The following API5 variants were observed in gnomAD, a reference collection of about 807,000 sequenced individuals.
The protein encoded by API5 is apoptosis inhibitor 5.
A neutral mutation model predicts 71.9 loss-of-function variants in API5; 6 were observed. That is an observed-to-expected ratio of 0.08 (90% CI 0.05 to 0.16). The LOEUF (loss-of-function observed/expected upper bound fraction) is 0.16, where lower values mean the gene tolerates loss of function less well. Among genes scored for constraint, API5 ranks in the 10% least tolerant of loss-of-function variants. The pLI, the probability that API5 is intolerant of heterozygous loss-of-function variation, is 1.00. For synonymous variants in API5, 189 were observed against 221.3 expected (o/e 0.85, Z 1.30); for missense variants, 332 against 612.8 (o/e 0.54, Z 4.84).
chr11:43,323,704 A>G, intron 6 of API5, 68 bp downstream of exon 6: 3 of 1,456,590 alleles, frequency 2.1e-6, no homozygotes, highest in Non-Finnish European at 2.9e-6. Context: ...TCACTTTAAC[A>G]TTCCCCTTAA....
intron 13 of API5, among the ~76,000 whole-genome samples, chr11:43,337,286 G>A (rs541580557): frequency 1.5e-4 from 23 of 152,100 alleles, no homozygotes; most frequent in African/African-American, 4.8e-4. Flanking sequence ...ATGATGGTGC[G>A]ACTGCACTCC....
chr11:43,319,049 A>G, intron 2 of API5: 2 of 409,268 alleles, frequency 4.9e-6, no homozygotes, highest in Non-Finnish European at 8.6e-6. Flanking sequence ...TCCACTGTTA[A>G]AAATGGGTTG....
At chr11:43,316,112 C>A (rs1854660210) in intron 1 of API5, among the ~76,000 whole-genome samples, 1 of 150,464 alleles carries the variant, frequency 6.6e-6, no homozygotes, top group Non-Finnish European at 1.5e-5. Flanking sequence ...ATGAAATAAC[C>A]ACTCTTGTAG....
At chr11:43,339,909 GA>G (rs1855557799) in intron 13 of API5, among the ~76,000 whole-genome samples, 1 of 152,010 alleles carries the variant, frequency 6.6e-6, no homozygotes, top group Non-Finnish European at 1.5e-5. Context: ...AATAAATAAA[GA>G]ACTAAGAAGT....
In API5 at chr11:43,344,165, A is replaced by G. The variant is rs1210133381; in HGVS notation, c.*1655A>G. The G allele has an allele frequency of 1.3e-5, 2 of 152,700 alleles. No individual in the cohort carries two copies. The highest frequency in any genetic ancestry group is 4.8e-5 in the African/African-American group (2 of 41,472). The allele number at this position is 152,700 out of a possible 1,614,324, so 9.5% of individuals were successfully genotyped here. A position where few individuals can be genotyped will look rare whatever the true frequency, so the allele number is the denominator to read the frequency against. On this transcript the variant is annotated 3_prime_UTR_variant, in exon 14 of 14. Transcript: ENST00000531273. ...ACCAGCTAATCTGGACCTCAGAGAT[A>G]GATCAGCCAGTGGCCCAAAGCCATT...
At chr11:43,327,502 C>T (rs1855112953) in intron 7 of API5, among the ~76,000 whole-genome samples, 1 of 152,268 alleles carries the variant, frequency 6.6e-6, no homozygotes, top group Non-Finnish European at 1.5e-5. Context: ...TATTATTTTC[C>T]ATACTTCTTC....
chr11:43,327,436 TC>T (rs1200389156), intron 7 of API5, among the ~76,000 whole-genome samples: 1 of 152,258 alleles, frequency 6.6e-6, no homozygotes, highest in Non-Finnish European at 1.5e-5. Flanking sequence ...AATATATTTA[TC>T]ATTTTTGCCT....
At position 43,318,316 on chromosome 11, in the gene API5, A is replaced by T. The variant is rs532678006; in HGVS notation, c.70-324A>T. ...GAGCCACCACGCCTGGCCCATTACA[A>T]ATTTTTTAAGCATGATACAGTCACA... is the stretch of plus-strand genomic sequence containing the variant. On this transcript the variant is annotated intron_variant, in intron 1 of 13. Transcript: ENST00000531273. 25 of 1,172,738 alleles carry T rather than the reference A, an allele frequency of 2.1e-5. No individual in the cohort carries two copies. In the Admixed American group the frequency reaches 6.1e-4, roughly 28 times the overall value. 72.6% of individuals were successfully genotyped at this position (1,172,738 alleles called of 1,614,324 possible). A position where few individuals can be genotyped will look rare whatever the true frequency, so the allele number is the denominator to read the frequency against.
intron 1 of API5, 185 bp from the exon 2 acceptor site, chr11:43,318,455 A>G (rs1323986083): frequency 1.3e-6 from 2 of 1,534,942 alleles, no homozygotes; most frequent in African/African-American, 1.4e-5. Flanking sequence ...AAATGAAACA[A>G]AGATGGAGGG....
At chr11:43,328,336 G>C (rs565609568) in intron 8 of API5, among the ~76,000 whole-genome samples, 1 of 152,298 alleles carries the variant, frequency 6.6e-6, no homozygotes, top group African/African-American at 2.4e-5. Flanking sequence ...GCATAGTATA[G>C]TTGTTAAGAG....
chr11:43,336,022 A>G (rs1855421503), intron 13 of API5, 28 bp downstream of exon 13: 1 of 1,609,546 alleles, frequency 6.2e-7, no homozygotes, highest in East Asian at 2.2e-5. Context: ...GGTACAAGGA[A>G]TATGAGAGAT....
intron 11 of API5, chr11:43,331,206 G>C (rs964571506): frequency 2.0e-5 from 3 of 152,422 alleles, no homozygotes; most frequent in African/African-American, 7.2e-5. Flanking sequence ...GAACAATGAA[G>C]GGCTTAGGGA....
chr11:43,326,823 T>A (rs1855092885), intron 7 of API5, among the ~76,000 whole-genome samples: 1 of 152,222 alleles, frequency 6.6e-6, no homozygotes, highest in African/African-American at 2.4e-5. Context: ...ACCTGTAGTT[T>A]TATTATAGTC....
intron 5 of API5, among the ~76,000 whole-genome samples, chr11:43,323,192 G>T (rs1387041051): frequency 6.6e-6 from 1 of 151,178 alleles, no homozygotes; most frequent in Non-Finnish European, 1.5e-5. Context: ...GTATATCTGT[G>T]CTTTGTACGT....
chr11:43,312,494 TTTCTCTACAGGA>T (rs1854512088), intron 1 of API5, among the ~76,000 whole-genome samples: 1 of 152,180 alleles, frequency 6.6e-6, no homozygotes, highest in Non-Finnish European at 1.5e-5. Flanking sequence ...TCACGGAGCT[TTTCTCTACAGGA>T]TTCTCTTAAG....
rs200387831 is a variant in API5 at position 43,328,907 on chromosome 11, G to C, written c.1127+14G>C. The stretch of plus-strand genomic sequence containing the variant: ...TTTCAAAATCAGGTGATATATGATT[G>C]AGGTGGCTCAATCCTTGGCAAAGGT... On this transcript the variant is annotated intron_variant, in intron 9 of 13. Coordinates refer to ENST00000531273, the MANE Select transcript of API5 (RefSeq NM_001142930.2). The C allele has an allele frequency of 2.0e-4, 326 of 1,613,470 alleles. 7 individuals carry two copies. The South Asian group carries it at 2.7e-3, about 13-fold the overall frequency.
chr11:43,323,342 C>G, intron 5 of API5, 88 bp from the exon 6 acceptor site: 1 of 1,211,470 alleles, frequency 8.3e-7, no homozygotes, highest in Non-Finnish European at 1.2e-6. Context: ...ACTTTAGTAA[C>G]TGAAATAAAT....
At chr11:43,322,769 C>T (rs1186686768) in intron 5 of API5, among the ~76,000 whole-genome samples, 3 of 152,170 alleles carry the variant, frequency 2.0e-5, no homozygotes, top group South Asian at 4.1e-4. Context: ...ACTACTACTA[C>T]CCACTTCCTT....
chr11:43,341,925 G>A (rs976970380), intron 13 of API5, among the ~76,000 whole-genome samples: 3 of 151,952 alleles, frequency 2.0e-5, no homozygotes, highest in South Asian at 2.1e-4. Flanking sequence ...GAGGCAGGAC[G>A]ATCCCTTGAG....
Sources: allele counts gnomAD v4.1 joint callset (sites outside exome capture counted in the v4.1 genomes callset), GRCh38; gene constraint gnomAD v4.1.1; transcripts MANE v1.5; gene names NCBI Gene and HGNC (gene_info 2026-07-23, HGNC 2026-07-21).